The following NEU4 variants were observed in gnomAD, a reference collection of about 807,000 sequenced individuals.
NEU4 encodes the protein neuraminidase 4.
Under a neutral mutation model 9.9 loss-of-function variants are expected in NEU4, and 7 were observed. The observed-to-expected ratio is 0.71, with a 90% CI of 0.40 to 1.33. NEU4 has a LOEUF of 1.33. Ranked by LOEUF, NEU4 falls within the 40% of genes most tolerant of loss-of-function variation. NEU4 has a pLI of 0.01. For synonymous variants in NEU4, 348 were observed against 316.9 expected (o/e 1.10, Z -1.04); for missense variants, 717 against 712.6 (o/e 1.01, Z -0.07).
At chr2:241,809,809 G>T in intron 1 of NEU4, 1 of 157,458 alleles carries the variant, frequency 6.4e-6, no homozygotes, top group Admixed American at 6.0e-5. Flanking sequence ...TGAAAAGCCT[G>T]GAGCAGAGGG....
At chr2:241,811,314 C>T (rs1700105825) in intron 1 of NEU4, 4 of 1,330,836 alleles carry the variant, frequency 3.0e-6, no homozygotes, top group Admixed American at 6.3e-5. Flanking sequence ...TGGAGCCGTG[C>T]CACCGTGGGA....
At chr2:241,809,815 GA>G (rs1389339588) in intron 1 of NEU4, 1 of 157,678 alleles carries the variant, frequency 6.3e-6, no homozygotes, top group Non-Finnish European at 1.4e-5. Flanking sequence ...GCCTGGAGCA[GA>G]GGGAGTGAGG....
chr2:241,813,920 G>A (rs932624210), intron 1 of NEU4: 1 of 303,222 alleles, frequency 3.3e-6, no homozygotes, highest in East Asian at 1.1e-4. Flanking sequence ...CCCCGATGAC[G>A]TTCAGGAAGT....
At chr2:241,811,661 T>G in intron 1 of NEU4, 1 of 414,206 alleles carries the variant, frequency 2.4e-6, no homozygotes, top group Non-Finnish European at 4.2e-6. Context: ...CGAGGGCCCC[T>G]CCAGCAAGAG....
Position 241,817,196 on chromosome 2 carries a change from G to C in NEU4, c.*148G>C. ...GTTGCTCCTCAGAGCTCTCAAGCAG[G>C]GACTGCTCTTTAGGAAGGGGAGCAG... On this transcript the variant is annotated 3_prime_UTR_variant, in exon 4 of 4. Transcript: ENST00000407683. 2.3e-6 allele frequency: 2 copies of C among 873,492 alleles called. No individual in the cohort carries two copies. The highest frequency in any genetic ancestry group is 3.4e-6 in the Non-Finnish European group (2 of 594,546). 54.1% of individuals were successfully genotyped at this position (873,492 alleles called of 1,614,324 possible). A position where few individuals can be genotyped will look rare whatever the true frequency, so the allele number is the denominator to read the frequency against.
Position 241,816,104 on chromosome 2 carries a change from C to G in NEU4, c.511C>G (p.Arg171Gly), listed in dbSNP as rs369447382. The G allele has an allele frequency of 6.2e-7, 1 of 1,610,760 alleles. No homozygotes were observed. Among genetic ancestry groups the G allele is most frequent in the East Asian group, 2.2e-5 (1 of 44,806 alleles). ...PGHGVQLPSG[R>G]LLVPAYTYRV... Reference sequence around the variant, plus strand: ...CCACGGTGTGCAGCTGCCCTCAGGCCGCCTGCTGGTACCCGCCTACACCTA... The same window carrying G: ...CCACGGTGTGCAGCTGCCCTCAGGCGGCCTGCTGGTACCCGCCTACACCTA... Residue 171 changes from arginine (R) to glycine (G), a missense_variant, in exon 4 of 4, where the codon CGC (arginine) becomes GGC (glycine). Physicochemically the swap from Arg to Gly is moderately radical, Grantham distance 125. Coordinates refer to ENST00000407683, the MANE Select transcript of NEU4 (RefSeq NM_001167600.3).
intron 2 of NEU4, 96 bp downstream of exon 2, chr2:241,814,781 A>G (rs1700254535): frequency 1.3e-6 from 2 of 1,522,304 alleles, no homozygotes; most frequent in South Asian, 2.5e-5. Context: ...CGGCAGGCAG[A>G]TGCCCGAGGT....
chr2:241,811,437 C>CTA, intron 1 of NEU4: 1 of 1,569,130 alleles, frequency 6.4e-7, no homozygotes, highest in African/African-American at 1.4e-5. Context: ...CCATGATGAG[C>CTA]TCTGCAGCCT....
At chr2:241,809,489 T>G in intron 1 of NEU4, 1 of 350,016 alleles carries the variant, frequency 2.9e-6, no homozygotes. Flanking sequence ...CGTGTGATGC[T>G]GGGGTCAGCG....
intron 1 of NEU4, among the ~76,000 whole-genome samples, chr2:241,812,593 G>A (rs1310029769): frequency 7.0e-6 from 1 of 143,518 alleles, no homozygotes; most frequent in Non-Finnish European, 1.5e-5. Context: ...GGTCCCCCAA[G>A]ACAGAGGGAC....
At chr2:241,814,202 G>A (rs1377235017) in intron 1 of NEU4, 12 of 645,172 alleles carry the variant, frequency 1.9e-5, no homozygotes, top group South Asian at 1.8e-4. Context: ...AACCAGCCTG[G>A]CCGAGGGTCA....
intron 1 of NEU4, chr2:241,811,303 G>A: frequency 1.5e-6 from 2 of 1,315,822 alleles, no homozygotes; most frequent in African/African-American, 1.5e-5. Context: ...CTGGGCTTCA[G>A]TGGAGCCGTG....
chr2:241,812,820 G>A (rs530102940), intron 1 of NEU4, among the ~76,000 whole-genome samples: 3 of 152,292 alleles, frequency 2.0e-5, no homozygotes, highest in African/African-American at 7.2e-5. Context: ...GTCCCCAGGG[G>A]TGGGCCTGGG....
intron 1 of NEU4, chr2:241,814,071 T>G: frequency 2.1e-6 from 1 of 482,992 alleles, no homozygotes; most frequent in Non-Finnish European, 4.2e-6. Flanking sequence ...CTCGAGGTTT[T>G]GGGTCCTCAT....
At chr2:241,814,835 G>A in intron 2 of NEU4, 57 bp from the exon 3 acceptor site, 1 of 1,569,096 alleles carries the variant, frequency 6.4e-7, no homozygotes, top group South Asian at 1.2e-5. Context: ...TGCCCTGCGG[G>A]GGGCTGTGCC....
At chr2:241,815,953 G>A in intron 3 of NEU4, 98 bp from the exon 4 acceptor site, 1 of 1,238,404 alleles carries the variant, frequency 8.1e-7, no homozygotes, top group Non-Finnish European at 1.1e-6. Context: ...CCTAACCCGA[G>A]GCACCAGCCC....
At chr2:241,811,859 T>A (rs1700126803) in intron 1 of NEU4, 5 of 202,204 alleles carry the variant, frequency 2.5e-5, no homozygotes, top group Non-Finnish European at 4.0e-5. Context: ...CTCTACCAGG[T>A]GAAGGGTCTG....
In NEU4 at chr2:241,816,620, G is replaced by A; in HGVS notation, c.1027G>A (p.Gly343Ser). ...PFSRLQPRGD[G>S]PRQPGPRPGV... The stretch of plus-strand genomic sequence containing the variant: ...CAGCCGTCTGCAGCCTCGGGGGGAT[G>A]GCCCCAGGCAGCCTGGCCCCAGGCC... The change falls in exon 4 of 4, where the codon GGC (glycine) becomes AGC (serine). Residue 343 changes from glycine to serine, a missense_variant. By Grantham distance (56) the Gly-to-Ser change is moderately conservative. Coordinates refer to ENST00000407683, the MANE Select transcript of NEU4 (RefSeq NM_001167600.3). 1 of 1,566,950 alleles carries A rather than the reference G, an allele frequency of 6.4e-7. No homozygotes were observed. The highest frequency in any genetic ancestry group is 8.6e-7 in the Non-Finnish European group (1 of 1,159,680).
chr2:241,811,638 GC>G, intron 1 of NEU4: 1 of 450,936 alleles, frequency 2.2e-6, no homozygotes. Context: ...CAAGGGGCGG[GC>G]TGCAGGGATT....
Sources: gnomAD v4.1 joint callset for allele counts (sites outside exome capture counted in the v4.1 genomes callset) on GRCh38, gnomAD v4.1.1 for gene constraint, MANE v1.5 for transcripts, NCBI Gene and HGNC (gene_info 2026-07-23, HGNC 2026-07-21) for gene names.